The following NRXN3 variants were observed in gnomAD, a reference collection of about 807,000 sequenced individuals.
NRXN3 encodes the protein neurexin III.
NRXN3 carries 32 observed loss-of-function variants against 137.6 expected under a neutral mutation model. The ratio of observed to expected loss-of-function variants is 0.23; its 90% CI spans 0.18 to 0.31. NRXN3 has a LOEUF of 0.31. NRXN3 is among the 10% of genes least tolerant of loss of function. The pLI, the probability that NRXN3 is intolerant of heterozygous loss-of-function variation, is 1.00. For synonymous variants in NRXN3, 798 were observed against 784.5 expected, an observed-to-expected ratio of 1.02 and a Z score of -0.29; for missense variants, 1,574 against 2,062.5, an observed-to-expected ratio of 0.76 and a Z score of 4.59.
At chr14:79,307,585 G>A (rs538933683) in intron 15 of NRXN3, among the ~76,000 whole-genome samples, 9 of 152,256 alleles carry the variant, frequency 5.9e-5, no homozygotes, top group Admixed American at 2.6e-4. Flanking sequence ...GGCCCAGGCT[G>A]CAGTCAGTCA....
chr14:78,242,984 G>C lies in NRXN3; in HGVS notation c.-110G>C. ...GCTGCCTTCCTCCTGTGTGCTTTCT[G>C]TCCCCCCATCTCTGTCTTGTCTTTC... On this transcript the variant is annotated 5_prime_UTR_variant, in exon 2 of 21. Coordinates refer to ENST00000335750, the MANE Select transcript of NRXN3 (RefSeq NM_001330195.2). 1.4e-6 allele frequency: 1 copy of C among 731,418 alleles called. No homozygotes were observed. Among genetic ancestry groups the C allele is most frequent in the Admixed American group, 2.9e-5 (1 of 34,038 alleles). 45.3% of individuals were successfully genotyped at this position (731,418 alleles called of 1,614,324 possible). A position where few individuals can be genotyped will look rare whatever the true frequency, so the allele number is the denominator to read the frequency against.
At chr14:79,141,428 A>T (rs2058777564) in intron 15 of NRXN3, among the ~76,000 whole-genome samples, 1 of 152,184 alleles carries the variant, frequency 6.6e-6, no homozygotes, top group Non-Finnish European at 1.5e-5. Flanking sequence ...GCAGTTGATA[A>T]ATGTAAGCTG....
At chr14:78,425,030 G>A (rs1330117535) in intron 4 of NRXN3, among the ~76,000 whole-genome samples, 1 of 152,150 alleles carries the variant, frequency 6.6e-6, no homozygotes, top group Non-Finnish European at 1.5e-5. Flanking sequence ...CCTCGAGATG[G>A]ATCTACAAAT....
chr14:79,377,993 C>T (rs943100946), intron 15 of NRXN3, among the ~76,000 whole-genome samples: 1 of 152,072 alleles, frequency 6.6e-6, no homozygotes, highest in African/African-American at 2.4e-5. Flanking sequence ...TGAGTGGGTG[C>T]TTGATAGAAG....
At chr14:79,564,598 T>C (rs1024293513) in intron 16 of NRXN3, among the ~76,000 whole-genome samples, 22 of 152,144 alleles carry the variant, frequency 1.4e-4, no homozygotes, top group Non-Finnish European at 3.1e-4. Flanking sequence ...CAAAGACAAA[T>C]TGTGCATTCT....
At chr14:79,469,123 T>C (rs532002996) in intron 16 of NRXN3, among the ~76,000 whole-genome samples, 9 of 152,348 alleles carry the variant, frequency 5.9e-5, no homozygotes, top group East Asian at 1.9e-4. Flanking sequence ...ATTTCCACAG[T>C]GATTTATCTT....
intron 15 of NRXN3, among the ~76,000 whole-genome samples, chr14:79,307,530 C>T (rs2086302508): frequency 1.3e-5 from 2 of 152,180 alleles, no homozygotes; most frequent in South Asian, 2.1e-4. Flanking sequence ...TCAGGAGCAG[C>T]CTAGCTGGGC....
intron 16 of NRXN3, among the ~76,000 whole-genome samples, chr14:79,655,205 G>A (rs2098499627): frequency 6.6e-6 from 1 of 152,170 alleles, no homozygotes; most frequent in Non-Finnish European, 1.5e-5. Flanking sequence ...CTTCCTTAGG[G>A]ACTAGCAGCA....
intron 1 of NRXN3, among the ~76,000 whole-genome samples, chr14:78,213,677 G>A (rs1325535359): frequency 6.6e-6 from 1 of 152,162 alleles, no homozygotes; most frequent in East Asian, 1.9e-4. Flanking sequence ...GATCCAAAAG[G>A]TGGTAGCTGT....
intron 16 of NRXN3, among the ~76,000 whole-genome samples, chr14:79,646,665 C>T (rs772263499): frequency 2.2e-5 from 3 of 135,154 alleles, no homozygotes; most frequent in Non-Finnish European, 3.4e-5. Context: ...TCTTAAAAGC[C>T]AATCTGTGGT....
chr14:79,222,699 T>A (rs2070009798), intron 15 of NRXN3, among the ~76,000 whole-genome samples: 1 of 151,638 alleles, frequency 6.6e-6, no homozygotes, highest in East Asian at 1.9e-4. Context: ...ATATTGTCAG[T>A]GTTTTAAATA....
intron 16 of NRXN3, among the ~76,000 whole-genome samples, chr14:79,537,522 T>C (rs1041001164): frequency 1.3e-5 from 2 of 152,242 alleles, no homozygotes; most frequent in African/African-American, 4.8e-5. Flanking sequence ...TTCCCACCTA[T>C]GAGTGACAAC....
At chr14:78,535,392 T>G (rs1056813889) in intron 4 of NRXN3, among the ~76,000 whole-genome samples, 1 of 152,220 alleles carries the variant, frequency 6.6e-6, no homozygotes, top group East Asian at 1.9e-4. Flanking sequence ...CTTAGGATTA[T>G]GCAGTAAAAT....
At chr14:78,693,083 AAAAAC>A (rs377654380) in intron 6 of NRXN3, among the ~76,000 whole-genome samples, 64 of 152,128 alleles carry the variant, frequency 4.2e-4, no homozygotes, top group African/African-American at 1.4e-3. Context: ...ACTCCATCTC[AAAAAC>A]AAAACAAAAC....
At chr14:79,855,425 G>A (rs2099400438) in intron 20 of NRXN3, among the ~76,000 whole-genome samples, 1 of 152,100 alleles carries the variant, frequency 6.6e-6, no homozygotes, top group Non-Finnish European at 1.5e-5. Flanking sequence ...CAGTTTATGC[G>A]ATTTTGTGTT....
intron 4 of NRXN3, among the ~76,000 whole-genome samples, chr14:78,526,564 A>G (rs2096383008): frequency 6.6e-6 from 1 of 152,172 alleles, no homozygotes; most frequent in African/African-American, 2.4e-5. Context: ...CTTTCATTCA[A>G]ATGGTGACCT....
intron 15 of NRXN3, among the ~76,000 whole-genome samples, chr14:79,158,150 G>T (rs1596585262): frequency 1.3e-5 from 2 of 151,714 alleles, no homozygotes; most frequent in East Asian, 3.9e-4. Context: ...TCTCCTTTAT[G>T]CTAGGTGACT....
chr14:78,831,005 G>A (rs2098980053), intron 10 of NRXN3, among the ~76,000 whole-genome samples: 2 of 152,004 alleles, frequency 1.3e-5, no homozygotes, highest in Admixed American at 1.3e-4. Context: ...TTCTTGATTT[G>A]GGAACTTTAA....
At chr14:78,280,579 C>CTGGG (rs1232721316) in intron 3 of NRXN3, among the ~76,000 whole-genome samples, 9 of 152,294 alleles carry the variant, frequency 5.9e-5, no homozygotes, top group Admixed American at 5.9e-4. Flanking sequence ...CCACATAGAG[C>CTGGG]TGGGCCCTGC....
Sources: allele counts gnomAD v4.1 joint callset (sites outside exome capture counted in the v4.1 genomes callset), GRCh38; gene constraint gnomAD v4.1.1; transcripts MANE v1.5; gene names NCBI Gene and HGNC (gene_info 2026-07-23, HGNC 2026-07-21).